Variants in LZIC observed in about 807,000 individuals in gnomAD.
The protein encoded by LZIC is leucine zipper and CTNNBIP1 domain containing.
A neutral mutation model predicts 25.4 loss-of-function variants in LZIC; 28 were observed. That is an observed-to-expected ratio of 1.10 (90% confidence interval 0.82 to 1.51). The LOEUF is 1.51. Ranked by LOEUF, LZIC falls within the 40% of genes most tolerant of loss-of-function variation. LZIC has a pLI of 0.00. For missense variants in LZIC, 170 were observed against 211.1 expected, an observed-to-expected ratio of 0.81 and a Z score of 1.21; for synonymous variants, 65 against 70.7, an observed-to-expected ratio of 0.92 and a Z score of 0.40.
At chr1:9,925,128 A>G (rs1407299429), downstream of LZIC, among the ~76,000 whole-genome samples, 2 of 150,346 alleles carry the variant, frequency 1.3e-5, no homozygotes, top group East Asian at 3.9e-4. Flanking sequence ...CCTGGCCAAC[A>G]TGCAGAAACC....
chr1:9,930,893 G>T (rs1640183717), intron 7 of LZIC, among the ~76,000 whole-genome samples: 2 of 151,678 alleles, frequency 1.3e-5, no homozygotes, highest in African/African-American at 4.8e-5. Flanking sequence ...GCCAATTTTT[G>T]TGTTTTTGGT....
At chr1:9,930,575 A>G in intron 7 of LZIC, 118 bp from the exon 8 acceptor site, 5 of 1,426,694 alleles carry the variant, frequency 3.5e-6, no homozygotes, top group South Asian at 2.5e-5. Context: ...ATTAGCCTCC[A>G]TTATCAGTGT....
At chr1:9,923,776 A>G (rs1639915550), downstream of LZIC, among the ~76,000 whole-genome samples, 1 of 152,024 alleles carries the variant, frequency 6.6e-6, no homozygotes, top group African/African-American at 2.4e-5. Flanking sequence ...TTTTTGAGAC[A>G]GAGTCTTGCT....
At chr1:9,925,810 G>A (rs1408518273), downstream of LZIC, among the ~76,000 whole-genome samples, 2 of 149,262 alleles carry the variant, frequency 1.3e-5, no homozygotes, top group African/African-American at 2.5e-5. Flanking sequence ...GGCTGGTCTT[G>A]AACTCCTGAC....
chr1:9,927,370 C>A lies in LZIC; in HGVS notation c.*3029G>T, dbSNP rs1031686483. Among the ~76,000 whole-genome samples, 4 of 152,098 alleles carry A rather than the reference C, an allele frequency of 2.6e-5. No homozygotes were observed. Among genetic ancestry groups the A allele is most frequent in the Non-Finnish European group, 5.9e-5 (4 of 68,020 alleles). The stretch of plus-strand genomic sequence containing the variant: ...GTCAGCCAGTACAGTGGCGTGATCT[C>A]AGTTCACTGCAACCTCTGCTTCCCA... On this transcript the variant is annotated 3_prime_UTR_variant, in exon 8 of 8. Coordinates refer to ENST00000377223, the MANE Select transcript of LZIC (RefSeq NM_032368.5).
chr1:9,930,954 G>A (rs926435508), intron 7 of LZIC, among the ~76,000 whole-genome samples: 11 of 151,876 alleles, frequency 7.2e-5, no homozygotes, highest in African/African-American at 2.7e-4. Flanking sequence ...CCTGACCTCA[G>A]GTGATCCACC....
intron 5 of LZIC, among the ~76,000 whole-genome samples, chr1:9,933,122 G>A (rs1640299204): frequency 1.3e-5 from 2 of 151,394 alleles, no homozygotes; most frequent in South Asian, 4.2e-4. Flanking sequence ...AGGCATGGTG[G>A]CAGGCGCCTG....
At chr1:9,941,917 T>C (rs1268525083) in intron 2 of LZIC, among the ~76,000 whole-genome samples, 3 of 152,150 alleles carry the variant, frequency 2.0e-5, no homozygotes, top group African/African-American at 4.8e-5. Flanking sequence ...TCAAATCTTT[T>C]TTTTTAAAAT....
chr1:9,922,427 G>C (rs71643077), downstream of LZIC: 7 of 593,742 alleles, frequency 1.2e-5, no homozygotes, highest in African/African-American at 4.1e-5. Context: ...GAATTCAAAG[G>C]CTTTGGCAAT....
intron 2 of LZIC, among the ~76,000 whole-genome samples, chr1:9,938,731 AT>A (rs1266329348): frequency 6.6e-6 from 1 of 152,118 alleles, no homozygotes; most frequent in Non-Finnish European, 1.5e-5. Context: ...GCAAATTATT[AT>A]TTTTTAATAG....
rs1040161343 is a variant in LZIC, at chr1:9,927,539, G to A, written c.*2860C>T. ...CTGGTCTCAAATCCTGAGTTCAGGCGATCCGCCCACCTCTGCCTCCCAGAG... is the reference window on the plus strand; with the variant it reads ...CTGGTCTCAAATCCTGAGTTCAGGCAATCCGCCCACCTCTGCCTCCCAGAG... On this transcript the variant is annotated 3_prime_UTR_variant, in exon 8 of 8. Coordinates refer to ENST00000377223, the MANE Select transcript of LZIC (RefSeq NM_032368.5). 6.6e-6 allele frequency among the ~76,000 whole-genome samples: 1 copy of A among 150,882 alleles called. No individual in the cohort carries two copies.
At chr1:9,934,915 G>C in intron 4 of LZIC, 55 bp from the exon 5 acceptor site, 1 of 1,245,560 alleles carries the variant, frequency 8.0e-7, no homozygotes, top group Non-Finnish European at 1.2e-6. Flanking sequence ...ATCAGATATT[G>C]CAATAACTGA....
At position 9,931,446 on chromosome 1, in the gene LZIC, T is replaced by C. The variant is rs1370038802; in HGVS notation, c.514+445A>G. Among the ~76,000 whole-genome samples, 3 of 152,120 alleles carry C rather than the reference T, an allele frequency of 2.0e-5. No individual in the cohort carries two copies. In the South Asian group the frequency reaches 6.2e-4, roughly 32 times the overall value. The stretch of plus-strand genomic sequence containing the variant: ...CCCAGCTAATTTTTTGTGTTTTTCG[T>C]AGAGACAGGGTTTCACTGTATTAGC... On this transcript the variant is annotated intron_variant, in intron 7 of 7. Coordinates refer to ENST00000377223, the MANE Select transcript of LZIC (RefSeq NM_032368.5).
downstream of LZIC, among the ~76,000 whole-genome samples, chr1:9,922,854 C>T (rs577118767): frequency 1.3e-5 from 2 of 152,306 alleles, no homozygotes; most frequent in East Asian, 3.9e-4. Context: ...AAAGGGGCTG[C>T]AGGGTCTGAA....
At chr1:9,931,440 T>C (rs1640206807) in intron 7 of LZIC, among the ~76,000 whole-genome samples, 1 of 152,096 alleles carries the variant, frequency 6.6e-6, no homozygotes, top group South Asian at 2.1e-4. Context: ...TTTTTTGTGT[T>C]TTTCGTAGAG....
At chr1:9,923,545 T>C (rs1414428212), downstream of LZIC, among the ~76,000 whole-genome samples, 1 of 81,808 alleles carries the variant, frequency 1.2e-5, no homozygotes, top group African/African-American at 3.6e-5. Flanking sequence ...TTTTTTTTTT[T>C]AAGAGATGGG....
chr1:9,939,646 C>T (rs999562199), intron 2 of LZIC, among the ~76,000 whole-genome samples: 7 of 147,750 alleles, frequency 4.7e-5, no homozygotes, highest in African/African-American at 1.7e-4. Context: ...GCCACTGTGT[C>T]CAGCCCTCAG....
At chr1:9,924,530 A>G (rs1199097420), downstream of LZIC, among the ~76,000 whole-genome samples, 2 of 151,912 alleles carry the variant, frequency 1.3e-5, no homozygotes, top group East Asian at 3.9e-4. Context: ...AATTTTTTGT[A>G]TTTTTACTAG....
At chr1:9,932,932 A>C in intron 5 of LZIC, 34 bp from the exon 6 acceptor site, 2 of 1,394,482 alleles carry the variant, frequency 1.4e-6, no homozygotes, top group Non-Finnish European at 2.0e-6. Context: ...TATGTTACTT[A>C]AGTGAAAAAC....
Sources: allele counts gnomAD v4.1 joint callset (sites outside exome capture counted in the v4.1 genomes callset), GRCh38; gene constraint gnomAD v4.1.1; transcripts MANE v1.5; gene names NCBI Gene and HGNC (gene_info 2026-07-23, HGNC 2026-07-21).